The following CEP112 variants were observed in gnomAD, a reference collection of about 807,000 sequenced individuals.
CEP112 encodes centrosomal protein 112, also known as centrosomal protein of 112 kDa.
Under a neutral mutation model 153.0 loss-of-function variants are expected in CEP112, and 127 were observed. That is an observed-to-expected ratio of 0.83 (90% confidence interval 0.72 to 0.96). The LOEUF (loss-of-function observed/expected upper bound fraction) is 0.96. Among genes scored for constraint, CEP112 ranks in the 40% least tolerant of loss-of-function variants. The pLI is 0.00. For synonymous variants in CEP112, 358 were observed against 374.4 expected, an observed-to-expected ratio of 0.96 and a Z score of 0.51; for missense variants, 1,089 against 1,101.2, an observed-to-expected ratio of 0.99 and a Z score of 0.16.
chr17:66,134,120 A>G (rs748624429), intron 4 of CEP112, among the ~76,000 whole-genome samples: 3 of 151,930 alleles, frequency 2.0e-5, no homozygotes, highest in Non-Finnish European at 4.4e-5. Flanking sequence ...TATTCTTAAG[A>G]ATAGATTAAA....
chr17:65,737,767 T>C (rs2050886634), intron 23 of CEP112, among the ~76,000 whole-genome samples: 1 of 152,238 alleles, frequency 6.6e-6, no homozygotes, highest in Admixed American at 6.5e-5. Context: ...CATTTGCTAT[T>C]GAATACTGAA....
chr17:65,663,507 G>A (rs1370041835), intron 24 of CEP112, among the ~76,000 whole-genome samples: 1 of 152,136 alleles, frequency 6.6e-6, no homozygotes, highest in Non-Finnish European at 1.5e-5. Flanking sequence ...GAAGGTAGGA[G>A]CTCCCTATAT....
At chr17:66,014,484 GA>G (rs2064684457) in intron 16 of CEP112, among the ~76,000 whole-genome samples, 2 of 152,160 alleles carry the variant, frequency 1.3e-5, no homozygotes, top group African/African-American at 4.8e-5. Context: ...CAGCCTGAGG[GA>G]ATGGGCATCC....
At chr17:65,714,480 A>C (rs1419299372) in intron 23 of CEP112, among the ~76,000 whole-genome samples, 1 of 151,880 alleles carries the variant, frequency 6.6e-6, no homozygotes, top group South Asian at 2.1e-4. Flanking sequence ...AATAGTATAT[A>C]TATCTGTCGG....
In CEP112 at chr17:65,970,437, T is replaced by TCATGCATGTATATTACATGCATGCACA. The variant is rs1351230970; in HGVS notation, c.1737-8866_1737-8840dup. Among the ~76,000 whole-genome samples, 397 of 44,746 alleles carry TCATGCATGTATATTACATGCATGCACA rather than the reference T, an allele frequency of 8.9e-3. 29 individuals are homozygous for TCATGCATGTATATTACATGCATGCACA. Among genetic ancestry groups the TCATGCATGTATATTACATGCATGCACA allele is most frequent in the African/African-American group, 0.022 (326 of 15,060 alleles). The allele number at this position is 44,746 out of a possible 152,430, so 29.4% of individuals were successfully genotyped here. On this transcript the variant is annotated intron_variant, in intron 17 of 26. Coordinates refer to ENST00000535342, the MANE Select transcript of CEP112 (RefSeq NM_001199165.4). ...CATGTATATTACATGCATGCACACA[T>TCATGCATGTATATTACATGCATGCACA]CATGCATGTATATTACATGCATGCA...
intron 21 of CEP112, among the ~76,000 whole-genome samples, chr17:65,836,487 T>A (rs1342807217): frequency 6.6e-6 from 1 of 152,190 alleles, no homozygotes; most frequent in African/African-American, 2.4e-5. Flanking sequence ...AGAGCAGGAA[T>A]AGTTACACTT....
At position 66,130,034 on chromosome 17, in the gene CEP112, C is replaced by T. The variant is rs115932049; in HGVS notation, c.565-211G>A. Among the ~76,000 whole-genome samples, 420 of 151,190 alleles carry T rather than the reference C, an allele frequency of 2.8e-3. 2 individuals are homozygous for T. Among genetic ancestry groups the T allele is most frequent in the African/African-American group, 9.8e-3 (404 of 41,214 alleles). ...AGAAAAAGAAGAGAAAGAAGTGGGA[C>T]GGGAGGGAGAAAAAAAGAACAAAAT... On this transcript the variant is annotated intron_variant, in intron 5 of 26. Transcript: ENST00000535342.
intron 4 of CEP112, among the ~76,000 whole-genome samples, chr17:66,171,025 G>A (rs1029201085): frequency 1.2e-4 from 18 of 152,088 alleles, no homozygotes; most frequent in Admixed American, 9.8e-4. Context: ...AAAATAAAGC[G>A]TGAGAATAAG....
rs73992146 is a variant in CEP112 at position 65,954,028 on chromosome 17, G to A, written c.1872+7435C>T. ...ACGCACTCTTGAAGTGCCACCTCCC[G>A]GCTGGAGGCCAAACAACACAAAACC... is the stretch of plus-strand genomic sequence containing the variant. On this transcript the variant is annotated intron_variant, in intron 18 of 26. Coordinates refer to ENST00000535342, the MANE Select transcript of CEP112 (RefSeq NM_001199165.4). 7.1e-3 allele frequency among the ~76,000 whole-genome samples: 1,077 copies of A among 152,194 alleles called. 12 individuals carry two copies. Among genetic ancestry groups the A allele is most frequent in the African/African-American group, 0.024 (999 of 41,512 alleles).
At chr17:65,747,759 G>A (rs1396729392) in intron 22 of CEP112, among the ~76,000 whole-genome samples, 1 of 152,098 alleles carries the variant, frequency 6.6e-6, no homozygotes, top group African/African-American at 2.4e-5. Context: ...ATCTCAGAAC[G>A]GGGCACAGGT....
intron 16 of CEP112, among the ~76,000 whole-genome samples, chr17:66,008,165 G>A (rs2064354141): frequency 6.6e-6 from 1 of 152,060 alleles, no homozygotes; most frequent in Non-Finnish European, 1.5e-5. Flanking sequence ...ATATACATAT[G>A]TGTGAAGTTT....
intron 12 of CEP112, among the ~76,000 whole-genome samples, chr17:66,039,232 T>A (rs2065871309): frequency 6.6e-6 from 1 of 152,180 alleles, no homozygotes; most frequent in Non-Finnish European, 1.5e-5. Flanking sequence ...CATGGTCTTT[T>A]CATCGTACAA....
intron 21 of CEP112, among the ~76,000 whole-genome samples, chr17:65,806,392 C>T (rs1311951681): frequency 1.3e-5 from 2 of 152,190 alleles, no homozygotes; most frequent in African/African-American, 4.8e-5. Flanking sequence ...TTGAACGTGT[C>T]CCACGATATT....
chr17:65,710,369 T>C (rs1230629568), intron 23 of CEP112, among the ~76,000 whole-genome samples: 3 of 152,214 alleles, frequency 2.0e-5, no homozygotes, highest in Non-Finnish European at 4.4e-5. Context: ...ATTATTTTCA[T>C]ATCTTTTTTT....
At chr17:66,040,142 C>G (rs917910956) in intron 12 of CEP112, among the ~76,000 whole-genome samples, 4 of 152,150 alleles carry the variant, frequency 2.6e-5, no homozygotes, top group Non-Finnish European at 5.9e-5. Flanking sequence ...GCTTTTCAAA[C>G]TGGATATAAA....
chr17:65,725,376 G>A (rs370805827), intron 23 of CEP112, among the ~76,000 whole-genome samples: 66 of 152,262 alleles, frequency 4.3e-4, no homozygotes, highest in African/African-American at 1.4e-3. Context: ...GGAGTGCAGT[G>A]GCACAATCTC....
chr17:65,934,487 C>A (rs562905039), intron 18 of CEP112, among the ~76,000 whole-genome samples: 1 of 152,104 alleles, frequency 6.6e-6, no homozygotes, highest in Non-Finnish European at 1.5e-5. Flanking sequence ...AACAAAGAAT[C>A]TACAAAACAA....
intron 18 of CEP112, among the ~76,000 whole-genome samples, chr17:65,960,226 A>C (rs901708383): frequency 2.6e-5 from 4 of 152,228 alleles, no homozygotes; most frequent in South Asian, 4.1e-4. Context: ...TCATATGATA[A>C]AATAAATTTA....
intron 20 of CEP112, among the ~76,000 whole-genome samples, chr17:65,884,072 G>A (rs897462588): frequency 6.6e-6 from 1 of 152,198 alleles, no homozygotes; most frequent in Admixed American, 6.5e-5. Context: ...GAACACAGAT[G>A]AGAGACGGGA....
Sources: allele counts gnomAD v4.1 joint callset (sites outside exome capture counted in the v4.1 genomes callset), GRCh38; gene constraint gnomAD v4.1.1; transcripts MANE v1.5; gene names NCBI Gene and HGNC (gene_info 2026-07-23, HGNC 2026-07-21).